Variants in CARMIL1 observed in about 807,000 individuals in gnomAD.
CARMIL1 encodes capping protein regulator and myosin 1 linker 1, also known as F-actin-uncapping protein LRRC16A.
In CARMIL1, 90 loss-of-function variants were observed where a neutral mutation model predicts 177.1. That is an observed-to-expected ratio of 0.51 (90% CI 0.43 to 0.61). CARMIL1 has a LOEUF of 0.61. Among genes scored for constraint, CARMIL1 ranks in the 20% least tolerant of loss-of-function variants. The probability of loss-of-function intolerance (pLI) is 0.00; values close to 1 mark genes in which losing one functional copy is unlikely to be tolerated. For synonymous variants in CARMIL1, 577 were observed against 606.2 expected, an observed-to-expected ratio of 0.95 and a Z score of 0.71; for missense variants, 1,380 against 1,667.0, an observed-to-expected ratio of 0.83 and a Z score of 3.00.
At chr6:25,329,686 C>G (rs1320339549) in intron 2 of CARMIL1, among the ~76,000 whole-genome samples, 1 of 152,152 alleles carries the variant, frequency 6.6e-6, no homozygotes, top group Non-Finnish European at 1.5e-5. Context: ...TTCTGATTAC[C>G]TCATCAGTGA....
At chr6:25,292,246 A>T (rs373435545) in intron 2 of CARMIL1, among the ~76,000 whole-genome samples, 3 of 152,150 alleles carry the variant, frequency 2.0e-5, no homozygotes, top group Admixed American at 2.0e-4. Flanking sequence ...ACTTTTAAGG[A>T]TCACTTACAG....
rs778579325 is a variant in CARMIL1 at position 25,492,019 on chromosome 6, T to C, written c.1215T>C (p.Ser405=). 5.8e-5 allele frequency: 94 copies of C among 1,612,964 alleles called. No individual in the cohort carries two copies. The highest frequency in any genetic ancestry group is 7.5e-5 in the Non-Finnish European group (88 of 1,179,232). ...TCAACCTCTCCAGAACTGTCTTCTC[T>C]CACCGGTATAGATTTATTTCTGCTC... ...AVLNLSRTVF[S]HRKGKEVPPS... Residue 405 remains serine, a synonymous_variant, in exon 15 of 37, where the codon TCT becomes TCC. Coordinates refer to ENST00000329474, the MANE Select transcript of CARMIL1 (RefSeq NM_017640.6).
intron 2 of CARMIL1, among the ~76,000 whole-genome samples, chr6:25,398,018 T>C (rs539029607): frequency 6.6e-6 from 1 of 152,264 alleles, no homozygotes; most frequent in African/African-American, 2.4e-5. Context: ...TAATGCAAAT[T>C]TGGAGGATTT....
chr6:25,599,904 A>G (rs912946415), intron 32 of CARMIL1, among the ~76,000 whole-genome samples: 1 of 151,994 alleles, frequency 6.6e-6, no homozygotes, highest in East Asian at 1.9e-4. Context: ...CTGTGTACCA[A>G]TTTCTACTTG....
In CARMIL1 at chr6:25,578,976, G is replaced by A. The variant is rs533466176; in HGVS notation, c.2743-1948G>A. On this transcript the variant is annotated intron_variant, in intron 29 of 36. Coordinates refer to ENST00000329474, the MANE Select transcript of CARMIL1 (RefSeq NM_017640.6). ...ACCATCAAATTATCCTGATGATTTC[G>A]TGTGTTTCTTAATTATGTCTATGAA... Among the ~76,000 whole-genome samples the A allele has an allele frequency of 4.6e-5, 7 of 152,054 alleles. No individual in the cohort carries two copies. The South Asian group carries it at 6.2e-4, about 14-fold the overall frequency.
At chr6:25,357,081 T>G (rs949647627) in intron 2 of CARMIL1, among the ~76,000 whole-genome samples, 2 of 151,926 alleles carry the variant, frequency 1.3e-5, no homozygotes, top group African/African-American at 4.8e-5. Flanking sequence ...ATTGTGTTTT[T>G]TTTTTTTTTT....
intron 2 of CARMIL1, among the ~76,000 whole-genome samples, chr6:25,324,147 AG>A (rs1267505207): frequency 6.6e-6 from 1 of 152,218 alleles, no homozygotes. Flanking sequence ...ACAGACCTGT[AG>A]GAACACCTTC....
rs961981893 is a variant in CARMIL1 at position 25,558,285 on chromosome 6, G to A, written c.2742+1435G>A. On this transcript the variant is annotated intron_variant, in intron 29 of 36. Coordinates refer to ENST00000329474, the MANE Select transcript of CARMIL1 (RefSeq NM_017640.6). The surrounding 1 kb of genome is among the most constrained non-coding windows in gnomAD (Gnocchi z 4.1). ...ATTTGGTCATGTGTAAATTGGAAAAGGGTGAAGGAAAAAACAAGCTAGTAA... is the reference window on the plus strand; with the variant it reads ...ATTTGGTCATGTGTAAATTGGAAAAAGGTGAAGGAAAAAACAAGCTAGTAA... Among the ~76,000 whole-genome samples the A allele has an allele frequency of 1.3e-5, 2 of 152,164 alleles. No homozygotes were observed. Among genetic ancestry groups the A allele is most frequent in the African/African-American group, 4.8e-5 (2 of 41,448 alleles).
chr6:25,374,189 G>A (rs1306016298), intron 2 of CARMIL1, among the ~76,000 whole-genome samples: 1 of 152,134 alleles, frequency 6.6e-6, no homozygotes, highest in Non-Finnish European at 1.5e-5. Flanking sequence ...TTAACTCATA[G>A]CACTGCTCTT....
At chr6:25,282,895 A>C (rs2744279) in intron 1 of CARMIL1, among the ~76,000 whole-genome samples, 7,567 of 152,286 alleles carry the variant, frequency 0.05, 589 homozygotes, top group African/African-American at 0.17. Context: ...TGAAATGCAA[A>C]GACCATCTCT....
intron 2 of CARMIL1, among the ~76,000 whole-genome samples, chr6:25,400,759 A>G (rs992510413): frequency 6.6e-6 from 1 of 152,224 alleles, no homozygotes; most frequent in Non-Finnish European, 1.5e-5. Flanking sequence ...AACTGATAGC[A>G]GAGGAAAGTC....
intron 5 of CARMIL1, among the ~76,000 whole-genome samples, chr6:25,449,273 A>G (rs752347463): frequency 1.3e-5 from 2 of 152,196 alleles, no homozygotes; most frequent in Admixed American, 6.5e-5. Context: ...AAATTCAGAA[A>G]TGTGTCAGTT....
At chr6:25,346,185 C>T (rs2690096) in intron 2 of CARMIL1, among the ~76,000 whole-genome samples, 27,966 of 152,026 alleles carry the variant, frequency 0.18, 2,891 homozygotes, top group African/African-American at 0.26. Flanking sequence ...AAGTGTTTAC[C>T]GTGACTGACA....
intron 9 of CARMIL1, among the ~76,000 whole-genome samples, chr6:25,470,496 T>G (rs1264906154): frequency 6.6e-6 from 1 of 152,248 alleles, no homozygotes; most frequent in African/African-American, 2.4e-5. Context: ...CTGGATTAGG[T>G]GCACCTATAT....
At chr6:25,455,466 A>G (rs368670053) in intron 8 of CARMIL1, among the ~76,000 whole-genome samples, 1 of 152,340 alleles carries the variant, frequency 6.6e-6, no homozygotes, top group East Asian at 1.9e-4. Context: ...CAGTCAAACC[A>G]TAGTCCCAGA....
At chr6:25,317,622 A>G (rs1462437572) in intron 2 of CARMIL1, among the ~76,000 whole-genome samples, 1 of 143,220 alleles carries the variant, frequency 7.0e-6, no homozygotes, top group Admixed American at 7.2e-5. Flanking sequence ...GTTAGAATGC[A>G]GTGATACCAT....
chr6:25,303,206 C>T (rs937716707), intron 2 of CARMIL1, among the ~76,000 whole-genome samples: 1 of 151,704 alleles, frequency 6.6e-6, no homozygotes, highest in Non-Finnish European at 1.5e-5. Flanking sequence ...AGTGATGACA[C>T]TCCATTTCTT....
intron 32 of CARMIL1, among the ~76,000 whole-genome samples, chr6:25,600,000 G>T (rs1200357834): frequency 6.6e-6 from 1 of 151,882 alleles, no homozygotes; most frequent in Non-Finnish European, 1.5e-5. Context: ...AGAGCAAGTG[G>T]TTATATATAT....
At chr6:25,525,826 A>G (rs1807039265) in intron 23 of CARMIL1, among the ~76,000 whole-genome samples, 1 of 152,238 alleles carries the variant, frequency 6.6e-6, no homozygotes, top group Non-Finnish European at 1.5e-5. Flanking sequence ...ATAATTGATG[A>G]ACTAGGAAAG....
Sources: allele counts gnomAD v4.1 joint callset (sites outside exome capture counted in the v4.1 genomes callset), GRCh38; gene constraint gnomAD v4.1.1; non-coding constraint Gnocchi (gnomAD v3.1); transcripts MANE v1.5; gene names NCBI Gene and HGNC (gene_info 2026-07-23, HGNC 2026-07-21).